Variants in SF3B1 observed in about 807,000 individuals in gnomAD.
SF3B1 encodes pre-mRNA processing 10.
A neutral mutation model predicts 153.8 loss-of-function variants in SF3B1; 12 were observed. That is an observed-to-expected ratio of 0.08 (90% CI 0.05 to 0.13). SF3B1 has a LOEUF of 0.13. Ranked by LOEUF, SF3B1 falls within the 10% of genes least tolerant of loss-of-function variation. SF3B1 has a pLI of 1.00. For missense variants in SF3B1, 513 were observed against 1,606.1 expected, an observed-to-expected ratio of 0.32 and a Z score of 11.63; for synonymous variants, 498 against 525.2, an observed-to-expected ratio of 0.95 and a Z score of 0.71.
rs148221095 is a variant in SF3B1 at position 197,400,219 on chromosome 2, G to C, written c.2901+33C>G. On this transcript the variant is annotated intron_variant, in intron 19 of 24. Coordinates refer to ENST00000335508, the MANE Select transcript of SF3B1 (RefSeq NM_012433.4). This position sits in a 1 kb window ranked among gnomAD's most constrained non-coding sequence, Gnocchi z 5.0. ...GTTACTATTTACATTAAACTATTTG[G>C]GGAAGAAGTAAGAATTTGATGCAAA... The C allele has an allele frequency of 4.2e-5, 68 of 1,610,780 alleles. No individual in the cohort carries two copies. In the African/African-American group the frequency reaches 7.9e-4, roughly 19 times the overall value.
At chr2:197,415,619 T>C (rs900953203) in intron 6 of SF3B1, among the ~76,000 whole-genome samples, 1 of 152,168 alleles carries the variant, frequency 6.6e-6, no homozygotes, top group Non-Finnish European at 1.5e-5. Flanking sequence ...TTTAAAGACC[T>C]TTCTATTCAG....
At position 197,402,490 on chromosome 2, in the gene SF3B1, G is replaced by T. The variant is rs2105986229; in HGVS notation, c.2077+66C>A. The stretch of plus-strand genomic sequence containing the variant: ...AGCCCAAAGGTTTGAGTCCAGTCTG[G>T]GCAACATAGTAAGACCCTGTCTCCT... On this transcript the variant is annotated intron_variant, in intron 14 of 24. Transcript: ENST00000335508. This position sits in a 1 kb window ranked among gnomAD's most constrained non-coding sequence, Gnocchi z 4.6. 6.9e-7 allele frequency: 1 copy of T among 1,443,012 alleles called. No individual in the cohort carries two copies. Among genetic ancestry groups the T allele is most frequent in the Non-Finnish European group, 9.5e-7 (1 of 1,057,430 alleles). The allele number at this position is 1,443,012 out of a possible 1,614,324, so 89.4% of individuals were successfully genotyped here.
intron 4 of SF3B1, chr2:197,419,057 T>C: frequency 1.2e-6 from 1 of 859,100 alleles, no homozygotes. Flanking sequence ...TAACTATGAC[T>C]AGATAAGTTC....
chr2:197,415,423 T>G (rs1277470417), intron 6 of SF3B1, among the ~76,000 whole-genome samples: 6 of 151,846 alleles, frequency 4.0e-5, no homozygotes, highest in African/African-American at 1.5e-4. Flanking sequence ...CAGCTAATTT[T>G]TTTTGTATTT....
intron 1 of SF3B1, among the ~76,000 whole-genome samples, chr2:197,431,104 C>CTTTTTTTTTT: frequency 1.4e-5 from 1 of 73,656 alleles, no homozygotes; most frequent in Non-Finnish European, 2.4e-5. Context: ...GCCTTTTCTT[C>CTTTTTTTTTT]TTTTTTTTTT....
chr2:197,411,541 G>A (rs1023985241), intron 6 of SF3B1, among the ~76,000 whole-genome samples: 3 of 151,930 alleles, frequency 2.0e-5, no homozygotes, highest in Non-Finnish European at 4.4e-5. Flanking sequence ...GCGTTGTAGC[G>A]GGTGCCTGTA....
At position 197,401,870 on chromosome 2, in the gene SF3B1, T is replaced by C. The variant is rs1189175839; in HGVS notation, c.2242A>G (p.Lys748Glu). 1.2e-6 allele frequency: 2 copies of C among 1,600,534 alleles called. No homozygotes were observed. Among genetic ancestry groups the C allele is most frequent in the Non-Finnish European group, 1.7e-6 (2 of 1,176,278 alleles). ...HRGKGLAAFL[K>E]AIGYLIPLMD... ...AGAGGAATAAGATACCCAATAGCCT[T>C]CAAGAAAGCAGCCAAACCCTATTTT... Residue 748 changes from lysine to glutamate, a missense_variant, in exon 16 of 25, where the codon AAG (lysine) becomes GAG (glutamate). Coordinates refer to ENST00000335508, the MANE Select transcript of SF3B1 (RefSeq NM_012433.4). The surrounding 1 kb of genome is among the most constrained non-coding windows in gnomAD (Gnocchi z 4.2).
At chr2:197,406,238 T>C (rs906457309) in intron 9 of SF3B1, among the ~76,000 whole-genome samples, 4 of 151,586 alleles carry the variant, frequency 2.6e-5, no homozygotes, top group African/African-American at 9.7e-5. Context: ...ACCCCATCTC[T>C]ATTTTATATA....
chr2:197,405,942 ACT>A (rs2084986466), intron 9 of SF3B1, among the ~76,000 whole-genome samples: 1 of 152,074 alleles, frequency 6.6e-6, no homozygotes, highest in African/African-American at 2.4e-5. Flanking sequence ...TAAGTGTAAA[ACT>A]CTACAAAAAT....
chr2:197,404,471 T>C (rs1213474696), intron 11 of SF3B1, among the ~76,000 whole-genome samples: 1 of 152,084 alleles, frequency 6.6e-6, no homozygotes, highest in Admixed American at 6.6e-5. Context: ...TCCCAGCTAC[T>C]TGGAAGGCTG....
At chr2:197,397,522 G>A (rs986438849) in intron 22 of SF3B1, among the ~76,000 whole-genome samples, 4 of 152,182 alleles carry the variant, frequency 2.6e-5, no homozygotes, top group African/African-American at 7.2e-5. Context: ...CAGGCTGTGC[G>A]CAGTGGCTCA....
At chr2:197,429,987 G>A (rs970567733) in intron 1 of SF3B1, among the ~76,000 whole-genome samples, 3 of 152,068 alleles carry the variant, frequency 2.0e-5, no homozygotes, top group Non-Finnish European at 4.4e-5. Flanking sequence ...CAGACTGTGC[G>A]AAACCACAGG....
Position 197,420,528 on chromosome 2 carries a change from A to G in SF3B1, c.315T>C (p.Ala105=), listed in dbSNP as rs2085223188. 1.2e-6 allele frequency: 2 copies of G among 1,606,566 alleles called. No individual in the cohort carries two copies. Among genetic ancestry groups the G allele is most frequent in the African/African-American group, 1.3e-5 (1 of 74,812 alleles). Reference sequence around the variant, plus strand: ...CTGCAATCTTTGGAGGTCTGTGCTCAGCAAATGGATCATACTGAAAAGAGG... The same window carrying G: ...CTGCAATCTTTGGAGGTCTGTGCTCGGCAAATGGATCATACTGAAAAGAGG... The part of the protein sequence containing the change: ...PQSTEQYDPF[A]EHRPPKIADR... The change falls in exon 4 of 25, where the codon GCT becomes GCC. Residue 105 remains alanine (A), a synonymous_variant. Coordinates refer to ENST00000335508, the MANE Select transcript of SF3B1 (RefSeq NM_012433.4).
chr2:197,397,957 T>C, intron 22 of SF3B1, 28 bp downstream of exon 22: 1 of 1,557,810 alleles, frequency 6.4e-7, no homozygotes, highest in South Asian at 1.2e-5. Context: ...AAAGTAATTT[T>C]TTTTTAATGG....
chr2:197,421,453 T>A (rs1258608884), intron 2 of SF3B1, among the ~76,000 whole-genome samples: 1 of 152,272 alleles, frequency 6.6e-6, no homozygotes, highest in Admixed American at 6.5e-5. Flanking sequence ...TTTTTCAATT[T>A]GATAACTACA....
intron 2 of SF3B1, among the ~76,000 whole-genome samples, chr2:197,423,389 TAAG>T (rs1029339111): frequency 6.8e-6 from 1 of 146,488 alleles, no homozygotes; most frequent in Non-Finnish European, 1.5e-5. Flanking sequence ...AAAAAAAAGA[TAAG>T]AAAAGAAAAT....
chr2:197,429,605 G>A (rs1402587278), intron 1 of SF3B1, among the ~76,000 whole-genome samples: 2 of 152,064 alleles, frequency 1.3e-5, no homozygotes, highest in African/African-American at 4.8e-5. Flanking sequence ...CCAATGTGGT[G>A]AAACCCCATC....
At chr2:197,406,544 T>C (rs2084995517) in intron 9 of SF3B1, among the ~76,000 whole-genome samples, 1 of 152,212 alleles carries the variant, frequency 6.6e-6, no homozygotes, top group Admixed American at 6.5e-5. Flanking sequence ...AGGTCTACTA[T>C]ATTTTTATAT....
intron 4 of SF3B1, chr2:197,419,929 C>A: frequency 4.5e-6 from 1 of 222,412 alleles, no homozygotes; most frequent in East Asian, 6.6e-5. Flanking sequence ...TTAAAAATAT[C>A]AAACTCTTCG....
Sources: gnomAD v4.1 joint callset for allele counts (sites outside exome capture counted in the v4.1 genomes callset) on GRCh38, gnomAD v4.1.1 for gene constraint, Gnocchi (gnomAD v3.1) non-coding constraint, MANE v1.5 for transcripts, NCBI Gene and HGNC (gene_info 2026-07-23, HGNC 2026-07-21) for gene names.